FUT8: variants seen among roughly 807,000 people sequenced by gnomAD.
FUT8 encodes the protein fucosyltransferase 8, also known as alpha-(1,6)-fucosyltransferase.
Under a neutral mutation model 71.3 loss-of-function variants are expected in FUT8, and 29 were observed. The observed-to-expected ratio is 0.41, with a 90% CI of 0.30 to 0.55. FUT8 has a LOEUF of 0.55. FUT8 is among the 20% of genes least tolerant of loss of function. FUT8 has a pLI of 0.34. For synonymous variants in FUT8, 254 were observed against 239.3 expected (o/e 1.06, Z -0.57); for missense variants, 544 against 702.1 (o/e 0.77, Z 2.55).
chr14:65,381,067 T>C, the FUT8 span, among the ~76,000 whole-genome samples: 3,376 of 152,322 alleles, frequency 0.022, 100 homozygotes, highest in East Asian at 0.095. Context: ...TCTAAAGTTA[T>C]ATTTTTTTAC....
At chr14:65,570,626 G>C (rs904134987) in intron 3 of FUT8, among the ~76,000 whole-genome samples, 9 of 151,918 alleles carry the variant, frequency 5.9e-5, no homozygotes, top group Admixed American at 2.0e-4. Flanking sequence ...CTTGGTTCTT[G>C]CTCTTTTAAT....
chr14:65,544,468 G>A (rs1352260355), intron 2 of FUT8, among the ~76,000 whole-genome samples: 2 of 152,030 alleles, frequency 1.3e-5, no homozygotes, highest in Admixed American at 6.5e-5. Flanking sequence ...CACACAATTG[G>A]AGAAAATGGT....
chr14:65,454,781 GTGAACATT>G (rs2065874229), intron 1 of FUT8, among the ~76,000 whole-genome samples: 1 of 152,180 alleles, frequency 6.6e-6, no homozygotes, highest in South Asian at 2.1e-4. Flanking sequence ...TACACACTCA[GTGAACATT>G]TGATGTGCGA....
chr14:65,449,856 C>G (rs867577297), intron 1 of FUT8, among the ~76,000 whole-genome samples: 6 of 152,240 alleles, frequency 3.9e-5, no homozygotes, highest in African/African-American at 4.8e-5. Flanking sequence ...ATCAGTGTTA[C>G]AAGACTCAGT....
intron 6 of FUT8, among the ~76,000 whole-genome samples, chr14:65,630,337 TTG>T (rs552395642): frequency 4.2e-4 from 64 of 152,338 alleles, no homozygotes; most frequent in African/African-American, 1.4e-3. Context: ...ACTTTGTTTT[TTG>T]TGTTCTTTTC....
intron 6 of FUT8, among the ~76,000 whole-genome samples, chr14:65,639,780 G>C (rs1890742676): frequency 6.6e-6 from 1 of 152,054 alleles, no homozygotes; most frequent in Non-Finnish European, 1.5e-5. Flanking sequence ...TACTACCAGT[G>C]CTACTTACCA....
At chr14:65,615,247 A>C (rs1889220866) in intron 3 of FUT8, among the ~76,000 whole-genome samples, 1 of 152,108 alleles carries the variant, frequency 6.6e-6, no homozygotes, top group South Asian at 2.1e-4. Flanking sequence ...CTGGGACTGC[A>C]GGCACACACC....
intron 2 of FUT8, among the ~76,000 whole-genome samples, chr14:65,540,620 T>C (rs1361195623): frequency 1.3e-5 from 2 of 152,206 alleles, no homozygotes; most frequent in African/African-American, 4.8e-5. Flanking sequence ...AAAAACCAAA[T>C]CTCAATATTG....
At position 65,629,482 on chromosome 14, in the gene FUT8, G is replaced by A. The variant is rs1890063511; in HGVS notation, c.483-10G>A. On this transcript the variant is annotated splice_polypyrimidine_tract_variant and intron_variant, in intron 5 of 10. Transcript: ENST00000673929. ...ACAAGTTCGATCTCCATTGTTGTTT[G>A]TTTTAACAGGTCTATAATGACGGAT... The A allele has an allele frequency of 1.3e-6, 2 of 1,586,682 alleles. No homozygotes were observed. Among genetic ancestry groups the A allele is most frequent in the Non-Finnish European group, 1.7e-6 (2 of 1,155,540 alleles).
In FUT8 at chr14:65,567,915, A is replaced by G. The variant is rs188443311; in HGVS notation, c.203+6149A>G. On this transcript the variant is annotated intron_variant, in intron 3 of 10. Coordinates refer to ENST00000673929, the MANE Select transcript of FUT8 (RefSeq NM_001371533.1). ...TCTTGTGATGTCTTTCAGGTTATCA[A>G]GGTTTATGCAGGCCAATTCTGTTCT... is the stretch of plus-strand genomic sequence containing the variant. Among the ~76,000 whole-genome samples, 8 of 151,970 alleles carry G rather than the reference A, an allele frequency of 5.3e-5. No homozygotes were observed. The East Asian group carries it at 1.2e-3, about 22-fold the overall frequency.
intron 1 of FUT8, among the ~76,000 whole-genome samples, chr14:65,414,987 A>G (rs1204648929): frequency 6.6e-6 from 1 of 152,194 alleles, no homozygotes; most frequent in African/African-American, 2.4e-5. Context: ...TTTAAGATGT[A>G]TGGAATCGAA....
In FUT8 at chr14:65,621,533, C is replaced by T. The variant is rs535031024; in HGVS notation, c.482+5160C>T. Among the ~76,000 whole-genome samples the T allele has an allele frequency of 1.4e-3, 213 of 151,736 alleles. 1 individual carries two copies. The highest frequency in any genetic ancestry group is 4.7e-3 in the African/African-American group (196 of 41,340). ...TGTGCTAGGATGCTAGGATGACAGG[C>T]GTGAGCCACCACGCCTGGCCTATTT... is the stretch of plus-strand genomic sequence containing the variant. On this transcript the variant is annotated intron_variant, in intron 5 of 10. Transcript: ENST00000673929.
intron 2 of FUT8, among the ~76,000 whole-genome samples, chr14:65,535,556 G>C (rs532736173): frequency 6.6e-6 from 1 of 152,276 alleles, no homozygotes; most frequent in South Asian, 2.1e-4. Context: ...TCATTCAGCA[G>C]CAGGTTGTTT....
chr14:65,678,867 G>T (rs1892895569), intron 7 of FUT8, among the ~76,000 whole-genome samples: 1 of 152,118 alleles, frequency 6.6e-6, no homozygotes, highest in South Asian at 2.1e-4. Context: ...CATCCCTTTG[G>T]TATCTCTCTA....
Position 65,518,620 on chromosome 14 carries a change from G to A in FUT8, c.-227-42717G>A, listed in dbSNP as rs146713830. Among the ~76,000 whole-genome samples the A allele has an allele frequency of 2.6e-5, 4 of 152,256 alleles. No individual in the cohort carries two copies. The East Asian group carries it at 7.7e-4, about 29-fold the overall frequency. On this transcript the variant is annotated intron_variant, in intron 2 of 10. Coordinates refer to ENST00000673929, the MANE Select transcript of FUT8 (RefSeq NM_001371533.1). ...GGCTCACTGCAATCTCTCCTCCTGG[G>A]TTCAAGTGAATCTCGTGCCTCCACC...
intron 10 of FUT8, among the ~76,000 whole-genome samples, chr14:65,733,814 T>C (rs1594949232): frequency 6.6e-6 from 1 of 152,218 alleles, no homozygotes; most frequent in Admixed American, 6.5e-5. Flanking sequence ...GATTGCTTTA[T>C]AGAAAAGAGA....
chr14:65,465,021 ATTAT>A (rs763431331), intron 2 of FUT8, among the ~76,000 whole-genome samples: 4 of 152,168 alleles, frequency 2.6e-5, no homozygotes, highest in Admixed American at 6.5e-5. Flanking sequence ...GCTTATTCAG[ATTAT>A]TTGTTTCTTC....
intron 7 of FUT8, among the ~76,000 whole-genome samples, chr14:65,711,680 T>C (rs538950294): frequency 5.3e-5 from 8 of 152,338 alleles, no homozygotes. Flanking sequence ...TAGTTTCTTG[T>C]CTGATAAAGG....
rs551085233 is a variant in FUT8 at position 65,719,054 on chromosome 14, T to C, written c.836-2721T>C. Among the ~76,000 whole-genome samples, 6 of 152,336 alleles carry C rather than the reference T, an allele frequency of 3.9e-5. No homozygotes were observed. In the South Asian group the frequency reaches 1.2e-3, roughly 32 times the overall value. On this transcript the variant is annotated intron_variant, in intron 7 of 10. Transcript: ENST00000673929. ...TCATCCCTTTGAATAAACGTTCTGT[T>C]CCTATCTCTCTCTGCCTCCTTCTTA... is the stretch of plus-strand genomic sequence containing the variant.
Sources: gnomAD v4.1 joint callset for allele counts (sites outside exome capture counted in the v4.1 genomes callset) on GRCh38, gnomAD v4.1.1 for gene constraint, MANE v1.5 for transcripts, NCBI Gene and HGNC (gene_info 2026-07-23, HGNC 2026-07-21) for gene names.